ABCE1: variants seen among roughly 807,000 people sequenced by gnomAD.
ABCE1 encodes ATP binding cassette subfamily E member 1, also known as ATP-binding cassette sub-family E member 1.
ABCE1 carries 22 observed loss-of-function variants against 83.4 expected under a neutral mutation model. That is an observed-to-expected ratio of 0.26 (90% CI 0.19 to 0.38). The LOEUF is 0.38. Among genes scored for constraint, ABCE1 ranks in the 10% least tolerant of loss-of-function variants. The probability of loss-of-function intolerance (pLI) is 1.00; values close to 1 mark genes in which losing one functional copy is unlikely to be tolerated. For missense variants in ABCE1, 330 were observed against 721.9 expected, an observed-to-expected ratio of 0.46 and a Z score of 6.22; for synonymous variants, 204 against 233.7, an observed-to-expected ratio of 0.87 and a Z score of 1.16.
In ABCE1 at chr4:145,117,308, G is replaced by A; in HGVS notation, c.816G>A (p.Val272=). 6.2e-7 allele frequency: 1 copy of A among 1,603,970 alleles called. No homozygotes were observed. Among genetic ancestry groups the A allele is most frequent in the Non-Finnish European group, 8.5e-7 (1 of 1,174,864 alleles). The change falls in exon 10 of 18, where the codon GTG becomes GTA. Residue 272 remains valine, a synonymous_variant. Transcript: ENST00000296577. ...TGATTTTCAGATATATCATTGTGGT[G>A]GAACATGATCTAAGTGTATTAGACT... ...LINPDRYIIV[V]EHDLSVLDYL... is the part of the protein sequence containing the mutation.
At chr4:145,099,629 G>A (rs574866332) in intron 1 of ABCE1, among the ~76,000 whole-genome samples, 6 of 152,278 alleles carry the variant, frequency 3.9e-5, no homozygotes, top group African/African-American at 1.2e-4. Flanking sequence ...TCTTCTAAAT[G>A]TCTTAAACTT....
At chr4:145,123,621 G>T in intron 16 of ABCE1, 21 bp downstream of exon 16, 1 of 1,560,192 alleles carries the variant, frequency 6.4e-7, no homozygotes, top group Admixed American at 1.8e-5. Flanking sequence ...TTTTTAATAT[G>T]TTCAAAGTAA....
At chr4:145,110,020 A>G in intron 5 of ABCE1, 83 bp from the exon 6 acceptor site, 4 of 1,239,904 alleles carry the variant, frequency 3.2e-6, no homozygotes, top group Non-Finnish European at 4.4e-6. Context: ...ATTTGCATAT[A>G]TAATCTATTT....
At chr4:145,112,470 C>T (rs946584163) in intron 9 of ABCE1, 142 bp downstream of exon 9, 2 of 644,310 alleles carry the variant, frequency 3.1e-6, no homozygotes, top group Admixed American at 3.5e-5. Context: ...ATTTACCTTT[C>T]TTTACCTAGA....
At chr4:145,102,222 T>A (rs1298991152) in intron 1 of ABCE1, among the ~76,000 whole-genome samples, 1 of 152,164 alleles carries the variant, frequency 6.6e-6, no homozygotes, top group Non-Finnish European at 1.5e-5. Flanking sequence ...CGAAAAGTTT[T>A]GATTAAATGA....
chr4:145,126,102 T>C (rs1749880743), intron 17 of ABCE1, among the ~76,000 whole-genome samples: 1 of 151,998 alleles, frequency 6.6e-6, no homozygotes, highest in South Asian at 2.1e-4. Context: ...CAAGCTCCTG[T>C]GATGAGGAAA....
At chr4:145,112,475 C>G (rs1266020702) in intron 9 of ABCE1, 147 bp downstream of exon 9, 1 of 629,570 alleles carries the variant, frequency 1.6e-6, no homozygotes, top group African/African-American at 1.9e-5. Flanking sequence ...CCTTTCTTTA[C>G]CTAGAACAGA....
intron 13 of ABCE1, chr4:145,121,857 G>GC (rs1749756076): frequency 6.6e-6 from 1 of 152,132 alleles, no homozygotes. Context: ...GGGCGACAAA[G>GC]CGAGAGTCTG....
At chr4:145,121,062 G>A (rs1191761737) in intron 11 of ABCE1, 112 bp from the exon 12 acceptor site, 30 of 944,608 alleles carry the variant, frequency 3.2e-5, no homozygotes, top group Non-Finnish European at 4.2e-5. Context: ...ATTCAATAAT[G>A]TCAGTGTATA....
intron 9 of ABCE1, among the ~76,000 whole-genome samples, chr4:145,114,567 T>C (rs1749562557): frequency 6.6e-6 from 1 of 152,062 alleles, no homozygotes; most frequent in South Asian, 2.1e-4. Context: ...GGTACTTATA[T>C]TGACTTATAA....
At chr4:145,123,439 G>C (rs957277290) in intron 15 of ABCE1, 39 bp from the exon 16 acceptor site, 1 of 1,589,760 alleles carries the variant, frequency 6.3e-7, no homozygotes, top group South Asian at 1.1e-5. Flanking sequence ...AATGTTTTAT[G>C]ATAGAAAGCT....
chr4:145,127,619 T>G lies in ABCE1; in HGVS notation c.*46T>G, dbSNP rs1178019809. On this transcript the variant is annotated 3_prime_UTR_variant, in exon 18 of 18. Transcript: ENST00000296577. ...TAAGCCATTTATTAAAAGGAGTATT[T>G]ACTAGAATTTTTTGTCATATAAAAC... is the stretch of plus-strand genomic sequence containing the variant. The G allele has an allele frequency of 6.9e-7, 1 of 1,454,278 alleles. No homozygotes were observed. The highest frequency in any genetic ancestry group is 2.6e-5 in the East Asian group (1 of 39,014). The allele number at this position is 1,454,278 out of a possible 1,614,324, so 90.1% of individuals were successfully genotyped here. A position where few individuals can be genotyped will look rare whatever the true frequency, so the allele number is the denominator to read the frequency against.
intron 9 of ABCE1, among the ~76,000 whole-genome samples, chr4:145,113,784 GCAT>G (rs1219967598): frequency 6.6e-6 from 1 of 152,082 alleles, no homozygotes; most frequent in African/African-American, 2.4e-5. Context: ...GAAATTAAAA[GCAT>G]GGTGACATTA....
At chr4:145,112,825 C>G (rs1368372949) in intron 9 of ABCE1, among the ~76,000 whole-genome samples, 1 of 152,082 alleles carries the variant, frequency 6.6e-6, no homozygotes, top group African/African-American at 2.4e-5. Flanking sequence ...TCATTTGATC[C>G]TCATGGTTAT....
At chr4:145,103,245 TA>T (rs1019020126) in intron 1 of ABCE1, among the ~76,000 whole-genome samples, 2 of 151,900 alleles carry the variant, frequency 1.3e-5, no homozygotes, top group Non-Finnish European at 2.9e-5. Context: ...AGCAGTCTAT[TA>T]AAAAAAATAA....
In ABCE1 at chr4:145,129,520, A is replaced by G. The variant is rs2126719395; in HGVS notation, c.*1947A>G. On this transcript the variant is annotated 3_prime_UTR_variant, in exon 18 of 18. Transcript: ENST00000296577. ...ATTGAAATAAAGGAATACTCAAGAAACAGATTGCTTTTGACAAGGACAATT... is the reference window on the plus strand; with the variant it reads ...ATTGAAATAAAGGAATACTCAAGAAGCAGATTGCTTTTGACAAGGACAATT... Among the ~76,000 whole-genome samples, 1 of 152,320 alleles carries G rather than the reference A, an allele frequency of 6.6e-6. No individual in the cohort carries two copies. Among genetic ancestry groups the G allele is most frequent in the Non-Finnish European group, 1.5e-5 (1 of 68,022 alleles).
chr4:145,110,272 A>G (rs756630197), intron 6 of ABCE1, 32 bp downstream of exon 6: 25 of 1,598,338 alleles, frequency 1.6e-5, no homozygotes, highest in Non-Finnish European at 1.9e-5. Flanking sequence ...CTTAACGGAT[A>G]TTAGTAGAAG....
At chr4:145,122,909 G>T in intron 13 of ABCE1, 112 bp from the exon 14 acceptor site, 1 of 685,192 alleles carries the variant, frequency 1.5e-6, no homozygotes, top group Non-Finnish European at 2.4e-6. Flanking sequence ...GATATCTGTT[G>T]GTGGCAAATT....
rs1749796871 is a variant in ABCE1, at chr4:145,123,474, T to C, written c.1518-4T>C. The C allele has an allele frequency of 9.4e-6, 15 of 1,596,626 alleles. No homozygotes were observed. Among genetic ancestry groups the C allele is most frequent in the Non-Finnish European group, 1.3e-5 (15 of 1,165,516 alleles). ...TATAAGATTTCAAAATCATTGTGTT[T>C]TAGTTTCATACTCCATGCAAAAAAG... On this transcript the variant is annotated splice_region_variant and splice_polypyrimidine_tract_variant and intron_variant, in intron 15 of 17. Transcript: ENST00000296577.
Sources: allele counts gnomAD v4.1 joint callset (sites outside exome capture counted in the v4.1 genomes callset), GRCh38; gene constraint gnomAD v4.1.1; transcripts MANE v1.5; gene names NCBI Gene and HGNC (gene_info 2026-07-23, HGNC 2026-07-21).